MYO1B: variants seen among roughly 807,000 people sequenced by gnomAD.
The protein encoded by MYO1B is unconventional myosin-Ib.
Under a neutral mutation model 159.7 loss-of-function variants are expected in MYO1B, and 72 were observed. The observed-to-expected ratio is 0.45, with a 90% CI of 0.37 to 0.55. MYO1B has a LOEUF of 0.55. Among genes scored for constraint, MYO1B ranks in the 20% least tolerant of loss-of-function variants. MYO1B has a pLI of 0.00. For synonymous variants in MYO1B, 468 were observed against 473.8 expected, an observed-to-expected ratio of 0.99 and a Z score of 0.16; for missense variants, 1,062 against 1,364.8, an observed-to-expected ratio of 0.78 and a Z score of 3.50.
intron 2 of MYO1B, among the ~76,000 whole-genome samples, chr2:191,281,490 G>A (rs770231965): frequency 1.1e-4 from 17 of 152,200 alleles, no homozygotes; most frequent in African/African-American, 4.1e-4. Flanking sequence ...AATGCTGGTC[G>A]TGACGTTCCC....
chr2:191,393,086 A>G lies in MYO1B; in HGVS notation c.2090A>G (p.Glu697Gly). Residue 697 changes from glutamate (E) to glycine (G), a missense_variant, in exon 20 of 31, where the codon GAA (glutamate) becomes GGA (glycine). Coordinates refer to ENST00000392318, the MANE Select transcript of MYO1B (RefSeq NM_001130158.3). ...IRNPRTLFKL[E>G]DLRKQRLEDL... ...ATTTCTTATTAGTTATTCAAATTAG[A>G]AGACCTGAGGAAGCAACGCCTGGAG... 3 of 1,613,542 alleles carry G rather than the reference A, an allele frequency of 1.9e-6. No individual in the cohort carries two copies. Among genetic ancestry groups the G allele is most frequent in the South Asian group, 1.1e-5 (1 of 90,994 alleles).
chr2:191,399,759 T>TG (rs1696490511), intron 21 of MYO1B, among the ~76,000 whole-genome samples: 1 of 43,600 alleles, frequency 2.3e-5, no homozygotes, highest in Non-Finnish European at 2.9e-4. Context: ...AATCTGAACA[T>TG]GTAGAGTAAG....
chr2:191,375,181 G>A (rs1694618193), intron 13 of MYO1B, among the ~76,000 whole-genome samples: 1 of 152,154 alleles, frequency 6.6e-6, no homozygotes, highest in Non-Finnish European at 1.5e-5. Context: ...CTCACTGAAA[G>A]TGACCCATAT....
intron 4 of MYO1B, among the ~76,000 whole-genome samples, chr2:191,333,761 G>A (rs1382617711): frequency 2.0e-5 from 3 of 152,086 alleles, no homozygotes. Context: ...AACTTTACAG[G>A]ACATGGGCAT....
intron 3 of MYO1B, among the ~76,000 whole-genome samples, chr2:191,312,025 A>G (rs961664984): frequency 6.6e-6 from 1 of 152,252 alleles, no homozygotes; most frequent in East Asian, 1.9e-4. Context: ...TTTGTCTTAC[A>G]GGCATAGCTT....
chr2:191,419,509 C>T (rs1559253481), intron 30 of MYO1B, among the ~76,000 whole-genome samples: 3 of 152,228 alleles, frequency 2.0e-5, no homozygotes, highest in South Asian at 2.1e-4. Context: ...TGAGCCACCA[C>T]GCCCGGCCTA....
At chr2:191,259,909 A>G (rs367839944) in intron 1 of MYO1B, among the ~76,000 whole-genome samples, 1 of 152,272 alleles carries the variant, frequency 6.6e-6, no homozygotes, top group East Asian at 1.9e-4. Flanking sequence ...TTGAAATGCA[A>G]GGTCCGGAGC....
chr2:191,269,368 A>G (rs1687326292), intron 1 of MYO1B, among the ~76,000 whole-genome samples: 1 of 152,134 alleles, frequency 6.6e-6, no homozygotes, highest in Non-Finnish European at 1.5e-5. Flanking sequence ...CATTTTGTGT[A>G]TGTACCATAT....
chr2:191,397,803 C>T (rs1418906026), intron 21 of MYO1B, among the ~76,000 whole-genome samples: 4 of 145,412 alleles, frequency 2.8e-5, no homozygotes, highest in East Asian at 2.2e-4. Flanking sequence ...CCGGATGGGG[C>T]GTCTGGCCGG....
At chr2:191,383,492 G>GTGTATATA (rs1559220137) in intron 15 of MYO1B, 150 bp downstream of exon 15, 1 of 32,664 alleles carries the variant, frequency 3.1e-5, no homozygotes, top group Non-Finnish European at 7.2e-5. Flanking sequence ...ACATATATAT[G>GTGTATATA]TGTATATATA....
chr2:191,396,611 T>C, intron 21 of MYO1B, 114 bp downstream of exon 21: 1 of 974,194 alleles, frequency 1.0e-6, no homozygotes, highest in Non-Finnish European at 1.6e-6. Context: ...CTGCCTCGCC[T>C]GTAAACAGTC....
chr2:191,277,030 C>T lies in MYO1B; in HGVS notation c.135C>T (p.Tyr45=), dbSNP rs751458267. The change falls in exon 2 of 31, where the codon TAC becomes TAT. Residue 45 remains tyrosine (Y), a splice_region_variant and synonymous_variant. Coordinates refer to ENST00000392318, the MANE Select transcript of MYO1B (RefSeq NM_001130158.3). The part of the protein sequence containing the change: ...LKKRFDHSEI[Y]TYIGSVVISV... ...AGCGCTTTGACCACAGTGAAATATACGTAAGTACACACGAAGGTCATCTGT... is the reference window on the plus strand; with the variant it reads ...AGCGCTTTGACCACAGTGAAATATATGTAAGTACACACGAAGGTCATCTGT... 4 of 1,612,304 alleles carry T rather than the reference C, an allele frequency of 2.5e-6. No individual in the cohort carries two copies. The highest frequency in any genetic ancestry group is 3.4e-6 in the Non-Finnish European group (4 of 1,179,584).
chr2:191,396,607 C>T (rs1696089218), intron 21 of MYO1B, 110 bp downstream of exon 21: 2 of 1,006,016 alleles, frequency 2.0e-6, no homozygotes, highest in East Asian at 2.4e-5. Context: ...TCTCCTGCCT[C>T]GCCTGTAAAC....
intron 13 of MYO1B, among the ~76,000 whole-genome samples, chr2:191,370,674 G>A (rs1468968153): frequency 6.6e-6 from 1 of 152,234 alleles, no homozygotes; most frequent in Admixed American, 6.5e-5. Flanking sequence ...GGCCATTTGT[G>A]TGTTGTTAGA....
chr2:191,386,204 G>A (rs1695390399), intron 16 of MYO1B, 120 bp downstream of exon 16: 1 of 849,278 alleles, frequency 1.2e-6, no homozygotes, highest in Non-Finnish European at 1.9e-6. Flanking sequence ...AGCTGCTAAA[G>A]TGGTTGAATC....
At chr2:191,384,872 GT>G (rs1695309510) in intron 15 of MYO1B, among the ~76,000 whole-genome samples, 1 of 152,174 alleles carries the variant, frequency 6.6e-6, no homozygotes, top group African/African-American at 2.4e-5. Context: ...TAAAGGAAAT[GT>G]TTCCTTCCAG....
intron 2 of MYO1B, among the ~76,000 whole-genome samples, chr2:191,282,080 CA>C (rs1451022309): frequency 6.6e-6 from 1 of 152,166 alleles, no homozygotes; most frequent in Non-Finnish European, 1.5e-5. Flanking sequence ...TACTGATTAA[CA>C]CATTTATTTG....
At chr2:191,329,588 A>G (rs1257979839) in intron 3 of MYO1B, among the ~76,000 whole-genome samples, 2 of 148,098 alleles carry the variant, frequency 1.4e-5, no homozygotes, top group African/African-American at 2.4e-5. Flanking sequence ...TAAATAAATT[A>G]TTTATATAAA....
intron 30 of MYO1B, among the ~76,000 whole-genome samples, chr2:191,417,182 C>T (rs1332238298): frequency 6.6e-6 from 1 of 152,066 alleles, no homozygotes; most frequent in Non-Finnish European, 1.5e-5. Context: ...CATTTCTGCC[C>T]CTTTGTAAGT....
Sources: allele counts gnomAD v4.1 joint callset (sites outside exome capture counted in the v4.1 genomes callset), GRCh38; gene constraint gnomAD v4.1.1; transcripts MANE v1.5; gene names NCBI Gene and HGNC (gene_info 2026-07-23, HGNC 2026-07-21).